RNF212B: variants seen among roughly 807,000 people sequenced by gnomAD.
RNF212B encodes E3 ubiquitin-protein ligase RNF212B.
RNF212B carries 52 observed loss-of-function variants against 55.5 expected under a neutral mutation model. That is an observed-to-expected ratio of 0.94 (90% CI 0.75 to 1.18). RNF212B has a LOEUF of 1.18. Among genes scored for constraint, RNF212B ranks in the 50% most tolerant of loss-of-function variants. The probability of loss-of-function intolerance (pLI) is 0.00; values close to 1 mark genes in which losing one functional copy is unlikely to be tolerated. For synonymous variants in RNF212B, 99 were observed against 121.4 expected (o/e 0.82, Z 1.21); for missense variants, 289 against 350.4 (o/e 0.82, Z 1.40).
chr14:23,264,496 T>C, intron 10 of RNF212B, 127 bp from the exon 11 acceptor site: 1 of 757,824 alleles, frequency 1.3e-6, no homozygotes, highest in South Asian at 2.4e-5. Flanking sequence ...TGGATCTTTC[T>C]TTGACTAGTA....
At chr14:23,212,175 T>C (rs1880587682) in intron 2 of RNF212B, among the ~76,000 whole-genome samples, 2 of 152,354 alleles carry the variant, frequency 1.3e-5, no homozygotes, top group African/African-American at 4.8e-5. Context: ...GCCAGCCTTA[T>C]ACATAATGGT....
upstream of RNF212B, among the ~76,000 whole-genome samples, chr14:23,233,949 T>A (rs1417499549): frequency 2.0e-5 from 3 of 151,828 alleles, no homozygotes; most frequent in Non-Finnish European, 4.4e-5. Context: ...ATACAAAAAT[T>A]AGCCAGGCCT....
At chr14:23,254,154 A>G (rs1344436198) in intron 4 of RNF212B, among the ~76,000 whole-genome samples, 1 of 151,828 alleles carries the variant, frequency 6.6e-6, no homozygotes, top group Non-Finnish European at 1.5e-5. Context: ...GTATGGTGGC[A>G]TGCACCTGTT....
upstream of RNF212B, among the ~76,000 whole-genome samples, chr14:23,233,789 A>G (rs1160210815): frequency 6.6e-6 from 1 of 151,618 alleles, no homozygotes; most frequent in Non-Finnish European, 1.5e-5. Context: ...CAATAAGAAA[A>G]TAAACAACCC....
intron 1 of RNF212B, among the ~76,000 whole-genome samples, chr14:23,191,841 G>A (rs570805201): frequency 5.3e-5 from 8 of 152,248 alleles, no homozygotes; most frequent in African/African-American, 1.2e-4. Flanking sequence ...GAAGGCACTC[G>A]ACAAATACAT....
chr14:23,218,989 T>C (rs1566405304), intron 2 of RNF212B, among the ~76,000 whole-genome samples: 1 of 152,202 alleles, frequency 6.6e-6, no homozygotes, highest in Non-Finnish European at 1.5e-5. Context: ...CCAATATGTC[T>C]GGCAGCAGAC....
intron 4 of RNF212B, among the ~76,000 whole-genome samples, chr14:23,249,720 A>G (rs1884267116): frequency 6.6e-6 from 1 of 152,166 alleles, no homozygotes; most frequent in Admixed American, 6.5e-5. Flanking sequence ...CTTTGATCAT[A>G]CAAACTGTGC....
chr14:23,227,556 A>G, intron 2 of RNF212B, among the ~76,000 whole-genome samples: 1 of 150,410 alleles, frequency 6.6e-6, no homozygotes, highest in African/African-American at 2.5e-5. Context: ...TTGAATATAC[A>G]TTAAATGTCA....
chr14:23,227,157 G>C (rs951652969), intron 2 of RNF212B, among the ~76,000 whole-genome samples: 3 of 151,970 alleles, frequency 2.0e-5, no homozygotes, highest in Non-Finnish European at 2.9e-5. Flanking sequence ...AAGGGTATAT[G>C]GAACCTTTCT....
chr14:23,222,088 C>T (rs1431023456), intron 2 of RNF212B, among the ~76,000 whole-genome samples: 1 of 151,706 alleles, frequency 6.6e-6, no homozygotes, highest in African/African-American at 2.4e-5. Flanking sequence ...ATTAGAAAAG[C>T]AAGAGCAAAC....
chr14:23,261,784 A>G (rs933624842), intron 7 of RNF212B, among the ~76,000 whole-genome samples: 2 of 152,028 alleles, frequency 1.3e-5, no homozygotes, highest in Non-Finnish European at 2.9e-5. Flanking sequence ...ACATGGTGAA[A>G]CCCCATCTCT....
chr14:23,229,173 T>A (rs1882301399), intron 2 of RNF212B, among the ~76,000 whole-genome samples: 1 of 144,886 alleles, frequency 6.9e-6, no homozygotes, highest in African/African-American at 2.5e-5. Context: ...TTCATCCATG[T>A]TGTAGCATGT....
At chr14:23,195,995 C>T (rs1289658965) in intron 2 of RNF212B, among the ~76,000 whole-genome samples, 1 of 152,164 alleles carries the variant, frequency 6.6e-6, no homozygotes, top group Non-Finnish European at 1.5e-5. Context: ...AAAGGTACAA[C>T]ATTCTTTTCT....
At chr14:23,249,370 A>T (rs1023758839) in intron 4 of RNF212B, among the ~76,000 whole-genome samples, 1 of 151,988 alleles carries the variant, frequency 6.6e-6, no homozygotes. Context: ...ACATAGTGAA[A>T]CCCCTTCACT....
chr14:23,195,845 G>A (rs149007814), intron 2 of RNF212B, among the ~76,000 whole-genome samples: 40 of 152,280 alleles, frequency 2.6e-4, no homozygotes, highest in African/African-American at 9.4e-4. Context: ...GGTAAACGTT[G>A]TTTTGCATTT....
chr14:23,225,011 C>A (rs969776829), intron 2 of RNF212B, among the ~76,000 whole-genome samples: 1 of 151,910 alleles, frequency 6.6e-6, no homozygotes, highest in African/African-American at 2.4e-5. Flanking sequence ...AGGTGCTCAA[C>A]ATCATTGATC....
At chr14:23,262,611 C>G (rs1293407787) in intron 7 of RNF212B, 54 bp from the exon 8 acceptor site, 1 of 1,456,470 alleles carries the variant, frequency 6.9e-7, no homozygotes, top group East Asian at 2.5e-5. Context: ...TCTAAAGTGG[C>G]ACTTGACCTC....
upstream of RNF212B, among the ~76,000 whole-genome samples, chr14:23,236,200 C>T (rs79080542): frequency 5.3e-5 from 8 of 152,242 alleles, no homozygotes; most frequent in East Asian, 1.2e-3. Flanking sequence ...TTTTGGAAAA[C>T]ATATTTTCCA....
At position 23,273,084 on chromosome 14, in the gene RNF212B, G is replaced by C. The variant is rs948713983; in HGVS notation, c.*193G>C. 10 of 416,190 alleles carry C rather than the reference G, an allele frequency of 2.4e-5. No individual in the cohort carries two copies. Among genetic ancestry groups the C allele is most frequent in the African/African-American group, 4.1e-5 (2 of 48,288 alleles). 25.8% of individuals were successfully genotyped at this position (416,190 alleles called of 1,614,324 possible). A position where few individuals can be genotyped will look rare whatever the true frequency, so the allele number is the denominator to read the frequency against. On this transcript the variant is annotated 3_prime_UTR_variant, in exon 15 of 15. Coordinates refer to ENST00000430154, the MANE Select transcript of RNF212B (RefSeq NM_001282322.3). Reference sequence around the variant, plus strand: ...GGACAGTGGTCAGGTCTTACAAAAGGCTAGTGCTTCAGGAAGATGTTTATA... The same window carrying C: ...GGACAGTGGTCAGGTCTTACAAAAGCCTAGTGCTTCAGGAAGATGTTTATA...
Sources: gnomAD v4.1 joint callset for allele counts (sites outside exome capture counted in the v4.1 genomes callset) on GRCh38, gnomAD v4.1.1 for gene constraint, MANE v1.5 for transcripts, NCBI Gene and HGNC (gene_info 2026-07-23, HGNC 2026-07-21) for gene names.